Variants in CDH12 observed in about 807,000 individuals in gnomAD.
The protein encoded by CDH12 is cadherin 12.
A neutral mutation model predicts 74.1 loss-of-function variants in CDH12; 41 were observed. The observed-to-expected ratio is 0.55, with a 90% CI of 0.43 to 0.72. The LOEUF is 0.72. Ranked by LOEUF, CDH12 falls within the 30% of genes least tolerant of loss-of-function variation. CDH12 has a pLI of 0.00. For missense variants in CDH12, 945 were observed against 977.2 expected (o/e 0.97, Z 0.44); for synonymous variants, 399 against 355.0 (o/e 1.12, Z -1.39).
At chr5:22,798,558 TTATCA>T (rs1748348720) in intron 1 of CDH12, among the ~76,000 whole-genome samples, 2 of 152,176 alleles carry the variant, frequency 1.3e-5, no homozygotes, top group East Asian at 3.9e-4. Flanking sequence ...ACACTTATTT[TTATCA>T]TATGAGTTTC....
intron 1 of CDH12, among the ~76,000 whole-genome samples, chr5:22,709,667 T>C (rs1179439485): frequency 7.2e-5 from 11 of 152,114 alleles, no homozygotes; most frequent in Non-Finnish European, 1.2e-4. Context: ...CCGAATACAA[T>C]AGATGTTAAG....
chr5:22,741,967 G>C (rs771720475), intron 1 of CDH12, among the ~76,000 whole-genome samples: 1 of 152,148 alleles, frequency 6.6e-6, no homozygotes, highest in Non-Finnish European at 1.5e-5. Context: ...GATCACCTGA[G>C]GTCAGGAGTT....
chr5:22,478,982 T>C (rs1393997939), intron 2 of CDH12, among the ~76,000 whole-genome samples: 3 of 152,330 alleles, frequency 2.0e-5, no homozygotes, highest in South Asian at 2.1e-4. Flanking sequence ...TTTCAAAGTG[T>C]TCTAACATGT....
At chr5:22,837,603 A>G (rs1463120244) in intron 1 of CDH12, among the ~76,000 whole-genome samples, 2 of 152,310 alleles carry the variant, frequency 1.3e-5, no homozygotes, top group African/African-American at 4.8e-5. Flanking sequence ...TTATGAAGAG[A>G]GTAAAGGATC....
intron 6 of CDH12, among the ~76,000 whole-genome samples, chr5:21,935,370 T>C (rs910092085): frequency 1.3e-5 from 2 of 152,206 alleles, no homozygotes; most frequent in African/African-American, 4.8e-5. Context: ...AAGCTCTACA[T>C]ACCTCAAAGC....
intron 6 of CDH12, among the ~76,000 whole-genome samples, chr5:21,940,183 C>T (rs1166880336): frequency 6.6e-6 from 1 of 152,002 alleles, no homozygotes; most frequent in Admixed American, 6.6e-5. Context: ...GCCAAGATCA[C>T]GCCATTGCCC....
At chr5:22,130,292 C>A (rs1413720349) in intron 4 of CDH12, among the ~76,000 whole-genome samples, 1 of 151,400 alleles carries the variant, frequency 6.6e-6, no homozygotes, top group Non-Finnish European at 1.5e-5. Flanking sequence ...AAGAAACACA[C>A]AAAGTCAATT....
intron 1 of CDH12, among the ~76,000 whole-genome samples, chr5:22,746,426 C>T (rs72748727): frequency 0.011 from 1,619 of 152,218 alleles, 11 homozygotes; most frequent in Non-Finnish European, 0.016. Flanking sequence ...ATGTTTCTAT[C>T]TGGTTTATCA....
chr5:22,105,420 G>A (rs1363893651), intron 4 of CDH12, among the ~76,000 whole-genome samples: 1 of 149,916 alleles, frequency 6.7e-6, no homozygotes, highest in African/African-American at 2.4e-5. Context: ...ACGCCAGGCT[G>A]GGCCTGGTGG....
rs373706264 is a variant in CDH12 at position 22,073,045 on chromosome 5, T to C, written c.231+5401A>G. 1.4e-4 allele frequency among the ~76,000 whole-genome samples: 21 copies of C among 152,232 alleles called. 1 individual carries two copies. In the East Asian group the frequency reaches 3.9e-3, roughly 28 times the overall value. On this transcript the variant is annotated intron_variant, in intron 5 of 14. Coordinates refer to ENST00000382254, the MANE Select transcript of CDH12 (RefSeq NM_004061.5). Reference sequence around the variant, plus strand: ...GTTCTTTTGCAGATATGTAAGTATATGTCTGTAAAGCAATTAAAATTGTGC... The same window carrying C: ...GTTCTTTTGCAGATATGTAAGTATACGTCTGTAAAGCAATTAAAATTGTGC...
chr5:22,754,570 A>C (rs1745785307), intron 1 of CDH12, among the ~76,000 whole-genome samples: 1 of 6,128 alleles, frequency 1.6e-4, no homozygotes, highest in African/African-American at 5.3e-4. Context: ...GAAAGCAGAC[A>C]AAAAAAAAAA....
intron 6 of CDH12, chr5:21,883,954 C>T: frequency 6.2e-7 from 1 of 1,607,054 alleles, no homozygotes; most frequent in South Asian, 1.1e-5. Context: ...GACTCATTGA[C>T]TCCAGCTAAT....
rs571586036 is a variant in CDH12, at chr5:22,633,382, T to A, written c.-522-128018A>T. ...CTTTTCTTCTCATATTATTTTAAAA[T>A]ATTATATAATGCAATGGTTATAAAC... On this transcript the variant is annotated intron_variant, in intron 1 of 14. Coordinates refer to ENST00000382254, the MANE Select transcript of CDH12 (RefSeq NM_004061.5). Among the ~76,000 whole-genome samples the A allele has an allele frequency of 4.6e-5, 7 of 152,316 alleles. No homozygotes were observed. In the East Asian group the frequency reaches 1.3e-3, roughly 29 times the overall value.
chr5:21,885,734 T>C (rs948666704), intron 6 of CDH12, among the ~76,000 whole-genome samples: 1 of 152,214 alleles, frequency 6.6e-6, no homozygotes, highest in Non-Finnish European at 1.5e-5. Context: ...TTATGTTTCT[T>C]GTTTGCACCC....
intron 1 of CDH12, among the ~76,000 whole-genome samples, chr5:22,579,037 C>T (rs181824778): frequency 2.0e-4 from 30 of 152,112 alleles, no homozygotes; most frequent in Admixed American, 3.9e-4. Context: ...CAAAGGCCTA[C>T]GACTTCTATC....
intron 1 of CDH12, among the ~76,000 whole-genome samples, chr5:22,818,634 A>T (rs1465108707): frequency 3.3e-5 from 5 of 152,156 alleles, no homozygotes; most frequent in Non-Finnish European, 7.3e-5. Flanking sequence ...AGTATGTCAT[A>T]CTTTAACTTA....
chr5:21,816,989 C>T lies in CDH12; in HGVS notation c.958G>A (p.Val320Ile), dbSNP rs377660503. 251 of 1,612,126 alleles carry T rather than the reference C, an allele frequency of 1.6e-4. No homozygotes were observed. Among genetic ancestry groups the T allele is most frequent in the Non-Finnish European group, 1.9e-4 (228 of 1,178,890 alleles). Reference sequence around the variant, plus strand: ...CCCTCTTGTGTATCCTCATCTGTGACGATGTCAAACAAATTTCCCCCATCT... The same window carrying T: ...CCCTCTTGTGTATCCTCATCTGTGATGATGTCAAACAAATTTCCCCCATCT... ...PGDGGNLFDI[V>I]TDEDTQEGVI... Residue 320 changes from valine to isoleucine, a missense_variant, in exon 9 of 15, where the codon GTC becomes ATC. By Grantham distance (29) the Val-to-Ile change is conservative. Coordinates refer to ENST00000382254, the MANE Select transcript of CDH12 (RefSeq NM_004061.5).
At chr5:22,430,658 G>A (rs1382852598) in intron 2 of CDH12, among the ~76,000 whole-genome samples, 1 of 151,950 alleles carries the variant, frequency 6.6e-6, no homozygotes, top group Non-Finnish European at 1.5e-5. Flanking sequence ...TAGGTATACT[G>A]CAACAAATTG....
At chr5:22,708,074 C>A (rs965290363) in intron 1 of CDH12, among the ~76,000 whole-genome samples, 1 of 152,044 alleles carries the variant, frequency 6.6e-6, no homozygotes, top group Non-Finnish European at 1.5e-5. Flanking sequence ...AACACATAGC[C>A]CTCTTGTAAA....
Sources: gnomAD v4.1 joint callset for allele counts (sites outside exome capture counted in the v4.1 genomes callset) on GRCh38, gnomAD v4.1.1 for gene constraint, MANE v1.5 for transcripts, NCBI Gene and HGNC (gene_info 2026-07-23, HGNC 2026-07-21) for gene names.